CCDC61: variants seen among roughly 807,000 people sequenced by gnomAD.
CCDC61 encodes centrosomal protein CCDC61.
CCDC61 carries 55 observed loss-of-function variants against 63.0 expected under a neutral mutation model. That is an observed-to-expected ratio of 0.87 (90% CI 0.70 to 1.09). CCDC61 has a LOEUF of 1.09. Among genes scored for constraint, CCDC61 ranks in the 50% least tolerant of loss-of-function variants. The pLI, the probability that CCDC61 is intolerant of heterozygous loss-of-function variation, is 0.00. For synonymous variants in CCDC61, 270 were observed against 317.0 expected, an observed-to-expected ratio of 0.85 and a Z score of 1.58; for missense variants, 651 against 731.4, an observed-to-expected ratio of 0.89 and a Z score of 1.27.
rs1187600582 is a variant in CCDC61, at chr19:46,018,112, A to G, written c.1403A>G (p.Lys468Arg). ...SPPVERSHHQKSLANSGGWVP... is the reference protein window; with the variant it reads ...SPPVERSHHQRSLANSGGWVP... ...CCCGTGGAACGCAGCCACCATCAGA[A>G]ATCTCTGGCCAACTCCGGGGGCTGG... Residue 468 changes from lysine to arginine, a missense_variant, in exon 13 of 14, where the codon AAA (lysine) becomes AGA (arginine). By Grantham distance (26) the Lys-to-Arg change is conservative. Transcript: ENST00000595358. This position sits in a 1 kb window ranked among gnomAD's most constrained non-coding sequence, Gnocchi z 4.2. 3 of 1,610,992 alleles carry G rather than the reference A, an allele frequency of 1.9e-6. No homozygotes were observed. The African/African-American group carries it at 4.0e-5, about 22-fold the overall frequency.
chr19:46,003,507 G>C lies in CCDC61; in HGVS notation c.231+6G>C. 2 of 1,469,044 alleles carry C rather than the reference G, an allele frequency of 1.4e-6. No homozygotes were observed. Among genetic ancestry groups the C allele is most frequent in the Non-Finnish European group, 1.9e-6 (2 of 1,079,214 alleles). 91.0% of individuals were successfully genotyped at this position (1,469,044 alleles called of 1,614,324 possible). On this transcript the variant is annotated splice_donor_region_variant and intron_variant, in intron 3 of 13. Transcript: ENST00000595358. ...TGGAGTCAGCCCTCACTCAGGTAGG[G>C]CCCGGGTTGGCGGGTTGGGGTGGGA...
chr19:46,002,332 C>CTGAA (rs962818196), intron 1 of CCDC61, among the ~76,000 whole-genome samples: 3 of 151,828 alleles, frequency 2.0e-5, no homozygotes, highest in Non-Finnish European at 2.9e-5. Flanking sequence ...CAAATGTTTG[C>CTGAA]TGAATGAATG....
chr19:46,013,618 C>T (rs769002252), intron 5 of CCDC61, among the ~76,000 whole-genome samples: 1 of 151,952 alleles, frequency 6.6e-6, no homozygotes, highest in Non-Finnish European at 1.5e-5. Context: ...CCTGTAATCC[C>T]AGCACATTGG....
At chr19:46,002,439 TTTC>T (rs1968608844) in intron 1 of CCDC61, among the ~76,000 whole-genome samples, 1 of 95,298 alleles carries the variant, frequency 1.0e-5, no homozygotes, top group Non-Finnish European at 2.4e-5. Flanking sequence ...ATTTCTTTTC[TTTC>T]TTTTTTTTTT....
intron 5 of CCDC61, among the ~76,000 whole-genome samples, chr19:46,013,130 T>A (rs1036228766): frequency 2.0e-5 from 3 of 152,210 alleles, no homozygotes; most frequent in African/African-American, 7.2e-5. Context: ...GCGATTCTCC[T>A]GCCTCAGCCT....
chr19:45,999,560 C>T (rs1385551889), intron 1 of CCDC61, among the ~76,000 whole-genome samples: 2 of 151,978 alleles, frequency 1.3e-5, no homozygotes, highest in Admixed American at 6.6e-5. Context: ...CAGTGATTTG[C>T]CCGTGTCTGG....
In CCDC61 at chr19:46,015,260, G is replaced by T. The variant is rs1168236442; in HGVS notation, c.762+1G>T. ...GGACTGCCGCCGTCTGGCCAAGGAG[G>T]TGAGCAGCGGGGGCCCGGGGCGGCC... On this transcript the variant is annotated splice_donor_variant, in intron 6 of 13. Coordinates refer to ENST00000595358, the MANE Select transcript of CCDC61 (RefSeq NM_001267723.2). LOFTEE classifies it high-confidence loss of function. The surrounding 1 kb of genome is among the most constrained non-coding windows in gnomAD (Gnocchi z 5.3). The T allele has an allele frequency of 4.0e-6, 6 of 1,492,052 alleles. No individual in the cohort carries two copies. The highest frequency in any genetic ancestry group is 4.4e-6 in the Non-Finnish European group (5 of 1,129,126). 92.4% of individuals were successfully genotyped at this position (1,492,052 alleles called of 1,614,324 possible).
chr19:45,997,733 C>T (rs977335809), intron 1 of CCDC61, among the ~76,000 whole-genome samples: 2 of 151,824 alleles, frequency 1.3e-5, no homozygotes, highest in Non-Finnish European at 2.9e-5. Flanking sequence ...GTCACCCAGG[C>T]TGGAGTGCAG....
At chr19:46,014,309 G>C (rs1968883457) in intron 5 of CCDC61, among the ~76,000 whole-genome samples, 1 of 151,908 alleles carries the variant, frequency 6.6e-6, no homozygotes, top group African/African-American at 2.4e-5. Context: ...CATAGATTTT[G>C]GTTTATTCTG....
In CCDC61 at chr19:46,016,415, ACCTGCC is replaced by A. The variant is rs1968937588; in HGVS notation, c.1091+27_1091+32del. The A allele has an allele frequency of 6.2e-7, 1 of 1,611,002 alleles. No homozygotes were observed. Among genetic ancestry groups the A allele is most frequent in the Admixed American group, 1.7e-5 (1 of 59,928 alleles). On this transcript the variant is annotated intron_variant, in intron 9 of 13. Transcript: ENST00000595358. This position sits in a 1 kb window ranked among gnomAD's most constrained non-coding sequence, Gnocchi z 7.2. ...TGAAGTCAGTGCCCCTTCCTCCCTC[ACCTGCC>A]CCTGTCCCTGGCCCGTGCCCGCTCC...
intron 12 of CCDC61, 75 bp downstream of exon 12, chr19:46,017,379 G>A (rs1166171880): frequency 2.2e-6 from 3 of 1,357,984 alleles, no homozygotes; most frequent in Admixed American, 2.4e-5. Context: ...TGGGGATCAG[G>A]TGCAGAGGCG....
At chr19:46,004,835 CTTTTTTTTTTTT>C (rs748867869) in intron 3 of CCDC61, among the ~76,000 whole-genome samples, 3 of 95,268 alleles carry the variant, frequency 3.1e-5, no homozygotes, top group Admixed American at 1.1e-4. Flanking sequence ...ATTTAGATAT[CTTTTTTTTTTTT>C]TTTTTTTTTT....
chr19:46,009,683 T>TGGG (rs976429684), intron 5 of CCDC61, among the ~76,000 whole-genome samples: 4 of 152,166 alleles, frequency 2.6e-5, no homozygotes, highest in Non-Finnish European at 4.4e-5. Flanking sequence ...CCAGTCCTTA[T>TGGG]GGGAGCTCAT....
intron 3 of CCDC61, among the ~76,000 whole-genome samples, chr19:46,004,616 C>T (rs770434212): frequency 2.5e-4 from 37 of 149,816 alleles, no homozygotes; most frequent in East Asian, 2.0e-4. Flanking sequence ...AGGCGTGTGC[C>T]GCCACACCCG....
At chr19:46,001,923 A>C (rs578010443) in intron 1 of CCDC61, among the ~76,000 whole-genome samples, 17 of 152,264 alleles carry the variant, frequency 1.1e-4, no homozygotes, top group African/African-American at 3.6e-4. Context: ...TTTGCCTCAC[A>C]ATATTGTATT....
In CCDC61 at chr19:46,018,443, G is replaced by A. The variant is rs907932595; in HGVS notation, c.*56G>A. The A allele has an allele frequency of 1.5e-5, 22 of 1,456,198 alleles. No individual in the cohort carries two copies. In the Admixed American group the frequency reaches 2.6e-4, roughly 17 times the overall value. 90.2% of individuals were successfully genotyped at this position (1,456,198 alleles called of 1,614,324 possible). ...CCACCCACTTGCTGGGTATGGTGTG[G>A]GGGGTGGGGCCAGGGTGGCCTCCAG... On this transcript the variant is annotated 3_prime_UTR_variant, in exon 14 of 14. Transcript: ENST00000595358. The surrounding 1 kb of genome is among the most constrained non-coding windows in gnomAD (Gnocchi z 4.2).
At chr19:46,006,370 T>C (rs1968709494) in intron 3 of CCDC61, among the ~76,000 whole-genome samples, 189 bp from the exon 4 acceptor site, 2 of 152,236 alleles carry the variant, frequency 1.3e-5, no homozygotes, top group South Asian at 4.1e-4. Context: ...TTTAGGTTCT[T>C]TCTGGTTTCT....
At chr19:46,011,060 CTTT>C (rs762176005) in intron 5 of CCDC61, among the ~76,000 whole-genome samples, 3 of 125,780 alleles carry the variant, frequency 2.4e-5, no homozygotes, top group African/African-American at 8.1e-5. Flanking sequence ...TTCTTTCTTT[CTTT>C]TTTTTTTTTT....
In CCDC61 at chr19:46,016,886, G is replaced by A. The variant is rs565327478; in HGVS notation, c.1231+53G>A. Reference sequence around the variant, plus strand: ...GGGCTAGGCGGGACTGGGCGGGGCTGGGCGGGCTGGGAGGCACTGGGCAGG... The same window carrying A: ...GGGCTAGGCGGGACTGGGCGGGGCTAGGCGGGCTGGGAGGCACTGGGCAGG... On this transcript the variant is annotated intron_variant, in intron 10 of 13. Transcript: ENST00000595358. The surrounding 1 kb of genome is among the most constrained non-coding windows in gnomAD (Gnocchi z 7.2). The A allele has an allele frequency of 5.3e-6, 8 of 1,503,078 alleles. No homozygotes were observed. The highest frequency in any genetic ancestry group is 6.2e-6 in the Non-Finnish European group (7 of 1,120,084). 93.1% of individuals were successfully genotyped at this position (1,503,078 alleles called of 1,614,324 possible). A position where few individuals can be genotyped will look rare whatever the true frequency, so the allele number is the denominator to read the frequency against.
Sources: gnomAD v4.1 joint callset for allele counts (sites outside exome capture counted in the v4.1 genomes callset) on GRCh38, gnomAD v4.1.1 for gene constraint, Gnocchi (gnomAD v3.1) non-coding constraint, MANE v1.5 for transcripts, NCBI Gene and HGNC (gene_info 2026-07-23, HGNC 2026-07-21) for gene names.